ACVR1: variants seen among roughly 807,000 people sequenced by gnomAD.
ACVR1 encodes the protein activin receptor type-1.
Under a neutral mutation model 57.1 loss-of-function variants are expected in ACVR1, and 38 were observed. That is an observed-to-expected ratio of 0.67 (90% CI 0.51 to 0.87). The LOEUF (loss-of-function observed/expected upper bound fraction) is 0.87. Among genes scored for constraint, ACVR1 ranks in the 40% least tolerant of loss-of-function variants. The pLI, the probability that ACVR1 is intolerant of heterozygous loss-of-function variation, is 0.00. For synonymous variants in ACVR1, 212 were observed against 228.1 expected, an observed-to-expected ratio of 0.93 and a Z score of 0.63; for missense variants, 463 against 638.2, an observed-to-expected ratio of 0.73 and a Z score of 2.96.
intron 1 of ACVR1, among the ~76,000 whole-genome samples, chr2:157,858,507 T>C (rs551846554): frequency 6.6e-6 from 1 of 152,336 alleles, no homozygotes; most frequent in Admixed American, 6.5e-5. Context: ...AGTCTTGCTC[T>C]GTCACCCAAG....
At chr2:157,846,779 T>C (rs1035688936) in intron 1 of ACVR1, among the ~76,000 whole-genome samples, 2 of 152,208 alleles carry the variant, frequency 1.3e-5, no homozygotes, top group African/African-American at 4.8e-5. Context: ...CTTCACTGTA[T>C]AGATTCTATA....
Position 157,766,176 on chromosome 2 carries a change from T to A in ACVR1, c.811A>T (p.Thr271Ser). The change falls in exon 8 of 11, where the codon ACA becomes TCA. Residue 271 changes from threonine to serine, a missense_variant. Transcript: ENST00000434821. ...NILGFIASDM[T>S]SRHSSTQLWL... is the part of the protein sequence containing the mutation. ...AGCTGGGTACTGGAGTGTCTTGATG[T>A]CATGTCTGAAGCAATGAAACCTGGA... 1 of 1,614,124 alleles carries A rather than the reference T, an allele frequency of 6.2e-7. No individual in the cohort carries two copies.
chr2:157,854,648 G>A (rs542526436), intron 1 of ACVR1, among the ~76,000 whole-genome samples: 49 of 151,968 alleles, frequency 3.2e-4, no homozygotes, highest in Admixed American at 2.3e-3. Flanking sequence ...GCATGAACCC[G>A]GGAGGCAGAG....
At chr2:157,846,562 A>G (rs1689131876) in intron 1 of ACVR1, among the ~76,000 whole-genome samples, 1 of 152,178 alleles carries the variant, frequency 6.6e-6, no homozygotes, top group African/African-American at 2.4e-5. Flanking sequence ...TCAGAACTAA[A>G]CATTATAACC....
chr2:157,770,291 A>T, intron 7 of ACVR1, 77 bp downstream of exon 7: 1 of 1,545,486 alleles, frequency 6.5e-7, no homozygotes. Context: ...ATTCACATTC[A>T]CCAAAACGGA....
At position 157,760,917 on chromosome 2, in the gene ACVR1, A is replaced by G. The variant is rs1471186697; in HGVS notation, c.1227T>C (p.Leu409=). ...YKRVDIWAFG[L]VLWEVARRMV... is the part of the protein sequence containing the mutation. Reference sequence around the variant, plus strand: ...TCCGCCTGGCCACTTCCCACAAAACAAGTCCAAAGGCCCAAATATCGACCC... The same window carrying G: ...TCCGCCTGGCCACTTCCCACAAAACGAGTCCAAAGGCCCAAATATCGACCC... The change falls in exon 9 of 11, where the codon CTT becomes CTC. Residue 409 remains leucine, a synonymous_variant. Transcript: ENST00000434821. The G allele has an allele frequency of 5.6e-6, 9 of 1,614,140 alleles. No homozygotes were observed. The highest frequency in any genetic ancestry group is 7.6e-6 in the Non-Finnish European group (9 of 1,180,002).
intron 8 of ACVR1, among the ~76,000 whole-genome samples, chr2:157,763,881 T>C (rs951670907): frequency 6.6e-6 from 1 of 152,186 alleles, no homozygotes; most frequent in Non-Finnish European, 1.5e-5. Flanking sequence ...AATAACGCCT[T>C]AACAGATTTT....
At chr2:157,786,092 C>T (rs79834500) in intron 3 of ACVR1, among the ~76,000 whole-genome samples, 1,725 of 152,298 alleles carry the variant, frequency 0.011, 43 homozygotes, top group African/African-American at 0.04. Context: ...GTCAACACCT[C>T]TCCACCTAGT....
chr2:157,784,731 G>T (rs1686652108), intron 3 of ACVR1, among the ~76,000 whole-genome samples: 1 of 152,220 alleles, frequency 6.6e-6, no homozygotes, highest in African/African-American at 2.4e-5. Context: ...AGCGGTGCAG[G>T]CTGGGAATCC....
intron 7 of ACVR1, among the ~76,000 whole-genome samples, chr2:157,769,074 C>T (rs1685981998): frequency 2.0e-5 from 3 of 151,996 alleles, no homozygotes; most frequent in South Asian, 2.1e-4. Flanking sequence ...GAGGTTTTGA[C>T]GGAGGAAGGA....
chr2:157,748,526 TTC>T (rs1173710845), intron 9 of ACVR1, among the ~76,000 whole-genome samples: 3 of 152,024 alleles, frequency 2.0e-5, no homozygotes, highest in Non-Finnish European at 2.9e-5. Flanking sequence ...GCAAAACAAT[TTC>T]TCTGTTGCAA....
intron 2 of ACVR1, among the ~76,000 whole-genome samples, chr2:157,804,072 C>T (rs1687429043): frequency 1.3e-5 from 2 of 152,072 alleles, no homozygotes. Flanking sequence ...ACTGGCTGAA[C>T]TATATATAGA....
Position 157,774,088 on chromosome 2 carries a change from C to T in ACVR1, c.643G>A (p.Gly215Arg), listed in dbSNP as rs1686177587. The T allele has an allele frequency of 1.9e-6, 3 of 1,613,086 alleles. No individual in the cohort carries two copies. Among genetic ancestry groups the T allele is most frequent in the South Asian group, 1.1e-5 (1 of 91,054 alleles). The change falls in exon 6 of 11, where the codon GGG becomes AGG. Residue 215 changes from glycine (G) to arginine (R), a missense_variant and splice_region_variant. By Grantham distance (125) the Gly-to-Arg change is moderately radical. Around this residue, in one of 3 missense-constraint regions of ACVR1, gnomAD observed 114 missense variants for 216.2 expected, o/e 0.53. Transcript: ENST00000434821. Reference protein sequence around the residue: ...ARQITLLECVGKGRYGEVWRG... With the variant: ...ARQITLLECVRKGRYGEVWRG... The stretch of plus-strand genomic sequence containing the variant: ...CAAAGAAAGGAAAAAAAAGAATTAC[C>T]GACACACTCCAACAGTGTAATCTGG...
rs972890427 is a variant in ACVR1 at position 157,754,232 on chromosome 2, C to T, written c.1264+6648G>A. On this transcript the variant is annotated intron_variant, in intron 9 of 10. Coordinates refer to ENST00000434821, the MANE Select transcript of ACVR1 (RefSeq NM_001111067.4). ...GAAATAAGAATAAACCAAACTCATACGCAGCAGAAGAAAAGAAATAACCAA... is the reference window on the plus strand; with the variant it reads ...GAAATAAGAATAAACCAAACTCATATGCAGCAGAAGAAAAGAAATAACCAA... Among the ~76,000 whole-genome samples, 24 of 152,098 alleles carry T rather than the reference C, an allele frequency of 1.6e-4. No homozygotes were observed. The South Asian group carries it at 1.9e-3, about 12-fold the overall frequency.
chr2:157,753,245 G>A (rs1053609827), intron 9 of ACVR1, among the ~76,000 whole-genome samples: 18 of 152,164 alleles, frequency 1.2e-4, no homozygotes, highest in African/African-American at 4.3e-4. Flanking sequence ...AAAAGGCCTT[G>A]ACAGCCGGGT....
intron 1 of ACVR1, among the ~76,000 whole-genome samples, chr2:157,866,702 G>A (rs1689949994): frequency 6.6e-6 from 1 of 152,178 alleles, no homozygotes. Context: ...CAGCATGTCT[G>A]CCTTTGATTC....
chr2:157,786,607 G>A (rs1686720869), intron 3 of ACVR1, among the ~76,000 whole-genome samples: 1 of 152,140 alleles, frequency 6.6e-6, no homozygotes, highest in Non-Finnish European at 1.5e-5. Context: ...TGGTGTGGTA[G>A]GTTTATTGTT....
At chr2:157,814,626 G>C (rs758300064) in intron 2 of ACVR1, among the ~76,000 whole-genome samples, 1 of 152,094 alleles carries the variant, frequency 6.6e-6, no homozygotes, top group East Asian at 1.9e-4. Context: ...AATTCTACTA[G>C]AAATGGATCC....
chr2:157,807,596 C>T (rs1687597076), intron 2 of ACVR1, among the ~76,000 whole-genome samples: 1 of 151,772 alleles, frequency 6.6e-6, no homozygotes. Flanking sequence ...TAGGAAAAGC[C>T]CCATTATCCC....
Sources: allele counts gnomAD v4.1 joint callset (sites outside exome capture counted in the v4.1 genomes callset), GRCh38; gene constraint gnomAD v4.1.1; regional missense constraint gnomAD v4.1.1; transcripts MANE v1.5; gene names NCBI Gene and HGNC (gene_info 2026-07-23, HGNC 2026-07-21).